Variants in LGALS3 observed in about 807,000 individuals in gnomAD.
The protein encoded by LGALS3 is galectin-3.
A neutral mutation model predicts 20.7 loss-of-function variants in LGALS3; 18 were observed. The ratio of observed to expected loss-of-function variants is 0.87; its 90% confidence interval spans 0.60 to 1.29. LGALS3 has a LOEUF of 1.29. Among genes scored for constraint, LGALS3 ranks in the 50% most tolerant of loss-of-function variants. The pLI, the probability that LGALS3 is intolerant of heterozygous loss-of-function variation, is 0.00. For synonymous variants in LGALS3, 112 were observed against 119.6 expected, an observed-to-expected ratio of 0.94 and a Z score of 0.42; for missense variants, 315 against 314.7, an observed-to-expected ratio of 1.00 and a Z score of -0.01.
Position 55,145,403 on chromosome 14 carries a change from A to G in LGALS3, c.*132A>G. 6.8e-7 allele frequency: 1 copy of G among 1,475,108 alleles called. No individual in the cohort carries two copies. Among genetic ancestry groups the G allele is most frequent in the African/African-American group, 1.4e-5 (1 of 71,692 alleles). 91.4% of individuals were successfully genotyped at this position (1,475,108 alleles called of 1,614,324 possible). On this transcript the variant is annotated 3_prime_UTR_variant, in exon 6 of 6. Transcript: ENST00000254301. Reference sequence around the variant, plus strand: ...GTAAGTCATCTACTTAATAAATATTACAGTGAATTACCTGTCTCAATATGT... The same window carrying G: ...GTAAGTCATCTACTTAATAAATATTGCAGTGAATTACCTGTCTCAATATGT...
chr14:55,137,363 CT>C lies in LGALS3; in HGVS notation c.-4-4del. 1 of 1,613,382 alleles carries C rather than the reference CT, an allele frequency of 6.2e-7. No homozygotes were observed. The highest frequency in any genetic ancestry group is 8.5e-7 in the Non-Finnish European group (1 of 1,179,288). ...TAGGATAAAATGATAATCTTTGTTT[CT>C]TTCAGGAAAATGGCAGACAATTTTT... On this transcript the variant is annotated splice_region_variant and splice_polypyrimidine_tract_variant and intron_variant, in intron 1 of 5. Coordinates refer to ENST00000254301, the MANE Select transcript of LGALS3 (RefSeq NM_002306.4).
rs542476087 is a variant in LGALS3 at position 55,131,577 on chromosome 14, G to A, written c.-5+2277G>A. Among the ~76,000 whole-genome samples, 4 of 152,128 alleles carry A rather than the reference G, an allele frequency of 2.6e-5. No homozygotes were observed. The South Asian group carries it at 6.2e-4, about 24-fold the overall frequency. ...AACATAGCTCTTCTTTCCTGTGATC[G>A]TTTGGGACACAGGCTCCCACTCAAG... On this transcript the variant is annotated intron_variant, in intron 1 of 5. Coordinates refer to ENST00000254301, the MANE Select transcript of LGALS3 (RefSeq NM_002306.4).
chr14:55,136,694 C>T (rs970753475), intron 1 of LGALS3, among the ~76,000 whole-genome samples: 6 of 152,280 alleles, frequency 3.9e-5, no homozygotes, highest in South Asian at 2.1e-4. Flanking sequence ...TATTTTCAAA[C>T]GTACAATGAA....
intron 4 of LGALS3, among the ~76,000 whole-genome samples, chr14:55,142,127 A>T (rs1325448391): frequency 6.6e-6 from 1 of 152,222 alleles, no homozygotes; most frequent in Non-Finnish European, 1.5e-5. Flanking sequence ...GTTAATTATG[A>T]GGAAGCCAGG....
chr14:55,129,603 T>G lies in LGALS3; in HGVS notation c.-5+303T>G, dbSNP rs1358227570. The stretch of plus-strand genomic sequence containing the variant: ...CCACCTTCTGCGGAGCCTCGTGGGC[T>G]TCGCCGCCGTCGCACCTCCGCCGCC... On this transcript the variant is annotated intron_variant, in intron 1 of 5. Coordinates refer to ENST00000254301, the MANE Select transcript of LGALS3 (RefSeq NM_002306.4). This position sits in a 1 kb window ranked among gnomAD's most constrained non-coding sequence, Gnocchi z 5.3. Among the ~76,000 whole-genome samples the G allele has an allele frequency of 6.6e-6, 1 of 152,130 alleles. No homozygotes were observed. Among genetic ancestry groups the G allele is most frequent in the Admixed American group, 6.5e-5 (1 of 15,282 alleles).
At chr14:55,135,073 G>T (rs951706466) in intron 1 of LGALS3, among the ~76,000 whole-genome samples, 1 of 151,970 alleles carries the variant, frequency 6.6e-6, no homozygotes, top group Non-Finnish European at 1.5e-5. Context: ...AGGATCACAT[G>T]AGCCTGGGAG....
rs757912759 is a variant in LGALS3, at chr14:55,138,237, C to A, written c.211C>A (p.Pro71Thr). 6.2e-7 allele frequency: 1 copy of A among 1,612,676 alleles called. No individual in the cohort carries two copies. The highest frequency in any genetic ancestry group is 1.7e-5 in the Admixed American group (1 of 60,002). The stretch of plus-strand genomic sequence containing the variant: ...CTACCCTGGAGCACCTGGAGCTTAT[C>A]CCGGAGCACCTGCACCTGGAGTCTA... ...GAYPGAPGAYPGAPAPGVYPG... is the reference protein window; with the variant it reads ...GAYPGAPGAYTGAPAPGVYPG... Residue 71 changes from proline to threonine, a missense_variant, in exon 3 of 6, where the codon CCC (proline) becomes ACC (threonine). By Grantham distance (38) the Pro-to-Thr change is conservative (BLOSUM62 -1). Transcript: ENST00000254301.
intron 1 of LGALS3, among the ~76,000 whole-genome samples, chr14:55,134,941 AC>A (rs1435628267): frequency 6.6e-6 from 1 of 151,436 alleles, no homozygotes; most frequent in African/African-American, 2.4e-5. Context: ...GATCACTTGA[AC>A]CCAGGAGTTT....
chr14:55,142,710 A>G lies in LGALS3; in HGVS notation c.558A>G (p.Arg186=). ...KLDNNWGREE[R]QSVFPFESGK... The stretch of plus-strand genomic sequence containing the variant: ...ATAATAACTGGGGAAGGGAAGAAAG[A>G]CAGTCGGTTTTCCCATTTGAAAGTG... The change falls in exon 5 of 6, where the codon AGA becomes AGG. Residue 186 remains arginine, a synonymous_variant. Coordinates refer to ENST00000254301, the MANE Select transcript of LGALS3 (RefSeq NM_002306.4). The G allele has an allele frequency of 6.2e-7, 1 of 1,613,924 alleles. No homozygotes were observed. The highest frequency in any genetic ancestry group is 1.1e-5 in the South Asian group (1 of 91,072).
Position 55,142,586 on chromosome 14 carries a change from T to G in LGALS3, c.434T>G (p.Ile145Ser). The G allele has an allele frequency of 6.2e-7, 1 of 1,611,592 alleles. No individual in the cohort carries two copies. Among genetic ancestry groups the G allele is most frequent in the Non-Finnish European group, 8.5e-7 (1 of 1,177,816 alleles). The change falls in exon 5 of 6, where the codon ATT becomes AGT. Residue 145 changes from isoleucine to serine, a missense_variant and splice_region_variant. Ile to Ser is a moderately radical substitution (Grantham distance 142). Coordinates refer to ENST00000254301, the MANE Select transcript of LGALS3 (RefSeq NM_002306.4). ...AACTGGTCTTTGGTTTAAAACAGAA[T>G]TGCTTTAGATTTCCAAAGAGGGAAT... ...LGTVKPNANR[I>S]ALDFQRGNDV... is the part of the protein sequence containing the mutation.
At chr14:55,137,525 G>A (rs1881443755) in intron 2 of LGALS3, 134 bp downstream of exon 2, 4 of 1,585,278 alleles carry the variant, frequency 2.5e-6, no homozygotes, top group Non-Finnish European at 2.6e-6. Flanking sequence ...TGTCCAATGA[G>A]GGCTTGCAAG....
chr14:55,138,195 C>A lies in LGALS3; in HGVS notation c.169C>A (p.Gln57Lys). Residue 57 changes from glutamine (Q) to lysine (K), a missense_variant, in exon 3 of 6, where the codon CAG becomes AAG. Transcript: ENST00000254301. ...GQAPPGAYPG[Q>K]APPGAYPGAP... ...GGCACCCCCAGGGGCTTATCCTGGACAGGCACCTCCAGGCGCCTACCCTGG... is the reference window on the plus strand; with the variant it reads ...GGCACCCCCAGGGGCTTATCCTGGAAAGGCACCTCCAGGCGCCTACCCTGG... The A allele has an allele frequency of 6.2e-7, 1 of 1,612,678 alleles. No individual in the cohort carries two copies. The highest frequency in any genetic ancestry group is 1.1e-5 in the South Asian group (1 of 91,048).
chr14:55,142,732 A>G lies in LGALS3; in HGVS notation c.580A>G (p.Ser194Gly). 1 of 1,613,218 alleles carries G rather than the reference A, an allele frequency of 6.2e-7. No individual in the cohort carries two copies. Among genetic ancestry groups the G allele is most frequent in the Non-Finnish European group, 8.5e-7 (1 of 1,179,198 alleles). The change falls in exon 5 of 6, where the codon AGT becomes GGT. Residue 194 changes from serine (S) to glycine (G), a missense_variant. Ser to Gly is a moderately conservative substitution (Grantham distance 56). Coordinates refer to ENST00000254301, the MANE Select transcript of LGALS3 (RefSeq NM_002306.4). ...EERQSVFPFE[S>G]GKPFKIQVLV... ...AAGACAGTCGGTTTTCCCATTTGAA[A>G]GTGGGAAACCATTCAAAGTAAGTTA...
At chr14:55,133,712 G>T (rs73271727) in intron 1 of LGALS3, among the ~76,000 whole-genome samples, 21,181 of 152,198 alleles carry the variant, frequency 0.14, 1,725 homozygotes, top group Non-Finnish European at 0.16. Flanking sequence ...TGAAACAGTG[G>T]AAATGCAACG....
At chr14:55,130,750 T>C (rs1387133979) in intron 1 of LGALS3, among the ~76,000 whole-genome samples, 1 of 46,174 alleles carries the variant, frequency 2.2e-5, no homozygotes, top group African/African-American at 8.1e-5. Flanking sequence ...GTGGTGGTGG[T>C]GGTGGGGGGG....
At position 55,145,323 on chromosome 14, in the gene LGALS3, A is replaced by G; in HGVS notation, c.*52A>G. On this transcript the variant is annotated 3_prime_UTR_variant, in exon 6 of 6. Coordinates refer to ENST00000254301, the MANE Select transcript of LGALS3 (RefSeq NM_002306.4). ...AAAAGAATCTAAACCTTACATGTGTAAAGGTTTCATGTTCACTGTGAGTGA... is the reference window on the plus strand; with the variant it reads ...AAAAGAATCTAAACCTTACATGTGTGAAGGTTTCATGTTCACTGTGAGTGA... The G allele has an allele frequency of 1.2e-6, 2 of 1,602,590 alleles. No homozygotes were observed. Among genetic ancestry groups the G allele is most frequent in the Non-Finnish European group, 1.7e-6 (2 of 1,173,458 alleles).
At chr14:55,143,845 A>C (rs1392565866) in intron 5 of LGALS3, 2 of 138,944 alleles carry the variant, frequency 1.4e-5, no homozygotes, top group African/African-American at 3.1e-5. Context: ...TATCCTTACA[A>C]ATCTTTGCTT....
At chr14:55,136,915 T>A (rs77870073) in intron 1 of LGALS3, among the ~76,000 whole-genome samples, 1 of 151,198 alleles carries the variant, frequency 6.6e-6, no homozygotes, top group African/African-American at 2.4e-5. Context: ...ACCATGCAGA[T>A]CATGGCCTAT....
At chr14:55,130,757 G>A (rs982138173) in intron 1 of LGALS3, among the ~76,000 whole-genome samples, 2 of 149,476 alleles carry the variant, frequency 1.3e-5, no homozygotes, top group East Asian at 2.0e-4. Flanking sequence ...TGGTGGTGGG[G>A]GGGGGGGGGT....
Sources: allele counts gnomAD v4.1 joint callset (sites outside exome capture counted in the v4.1 genomes callset), GRCh38; gene constraint gnomAD v4.1.1; non-coding constraint Gnocchi (gnomAD v3.1); transcripts MANE v1.5; gene names NCBI Gene and HGNC (gene_info 2026-07-23, HGNC 2026-07-21).